SOBP: variants seen among roughly 807,000 people sequenced by gnomAD.
SOBP encodes sine oculis binding protein homolog.
A neutral mutation model predicts 53.6 loss-of-function variants in SOBP; 4 were observed. The observed-to-expected ratio is 0.07, with a 90% CI of 0.04 to 0.17. The LOEUF (loss-of-function observed/expected upper bound fraction) is 0.17, where lower values mean the gene tolerates loss of function less well. Among genes scored for constraint, SOBP ranks in the 10% least tolerant of loss-of-function variants. SOBP has a pLI of 1.00. For synonymous variants in SOBP, 584 were observed against 522.6 expected (o/e 1.12, Z -1.60); for missense variants, 1,088 against 1,204.7 (o/e 0.90, Z 1.43).
At chr6:107,631,841 G>A (rs547120249) in intron 5 of SOBP, among the ~76,000 whole-genome samples, 2 of 152,314 alleles carry the variant, frequency 1.3e-5, no homozygotes, top group South Asian at 4.2e-4. Context: ...AAACACGAAT[G>A]TGTGCCAACA....
chr6:107,622,049 A>T (rs773874483), intron 5 of SOBP, among the ~76,000 whole-genome samples: 1 of 152,200 alleles, frequency 6.6e-6, no homozygotes, highest in Non-Finnish European at 1.5e-5. Flanking sequence ...AGTATAGGTA[A>T]AACAGTTGGC....
Position 107,635,056 on chromosome 6 carries a change from G to C in SOBP, c.2212G>C (p.Ala738Pro). 6.6e-7 allele frequency: 1 copy of C among 1,521,350 alleles called. No individual in the cohort carries two copies. The highest frequency in any genetic ancestry group is 2.6e-5 in the East Asian group (1 of 39,148). The allele number at this position is 1,521,350 out of a possible 1,614,324, so 94.2% of individuals were successfully genotyped here. ...CGCCGCCGCCGAGGGCGCTAAGAGCGCGGAGCCGCCTCCCGAGCAGCCGCC... is the reference window on the plus strand; with the variant it reads ...CGCCGCCGCCGAGGGCGCTAAGAGCCCGGAGCCGCCTCCCGAGCAGCCGCC... ...RGAAAEGAKS[A>P]EPPPEQPPPP... The change falls in exon 6 of 7, where the codon GCG becomes CCG. Residue 738 changes from alanine (A) to proline (P), a missense_variant. Physicochemically the swap from Ala to Pro is conservative, Grantham distance 27 (BLOSUM62 -1). Around this residue, in one of 6 missense-constraint regions of SOBP, gnomAD observed 665 missense variants for 629.7 expected, o/e 1.06. Coordinates refer to ENST00000317357, the MANE Select transcript of SOBP (RefSeq NM_018013.4). This position sits in a 1 kb window ranked among gnomAD's most constrained non-coding sequence, Gnocchi z 4.5.
intron 6 of SOBP, chr6:107,636,135 C>T (rs1354508804): frequency 1.2e-5 from 2 of 162,152 alleles, no homozygotes; most frequent in African/African-American, 4.8e-5. Context: ...CAGCATCCCC[C>T]AGGGTAGGCC....
chr6:107,522,054 G>C (rs909520675), intron 3 of SOBP, among the ~76,000 whole-genome samples: 1 of 149,552 alleles, frequency 6.7e-6, no homozygotes, highest in African/African-American at 2.5e-5. Flanking sequence ...TGAGGTTTAA[G>C]ATAAGATACA....
intron 3 of SOBP, among the ~76,000 whole-genome samples, chr6:107,511,009 A>G (rs1783154051): frequency 6.6e-6 from 1 of 152,208 alleles, no homozygotes; most frequent in Non-Finnish European, 1.5e-5. Flanking sequence ...TTTAGAGTTT[A>G]TGAAATTTAT....
intron 2 of SOBP, among the ~76,000 whole-genome samples, chr6:107,505,404 C>A (rs1782957072): frequency 6.6e-6 from 1 of 151,908 alleles, no homozygotes; most frequent in Non-Finnish European, 1.5e-5. Flanking sequence ...TTCACTGCAA[C>A]CTCCGCCTCC....
In SOBP at chr6:107,591,983, T is replaced by C. The variant is rs1007378129; in HGVS notation, c.669+4808T>C. On this transcript the variant is annotated intron_variant, in intron 5 of 6. Transcript: ENST00000317357. ...GTCTTTTGGTGTTTTTTTTTTTTTT[T>C]TTTTTTTTTGTAAAATCTTTAGGAT... Among the ~76,000 whole-genome samples the C allele has an allele frequency of 3.8e-4, 55 of 145,172 alleles. No individual in the cohort carries two copies. In the East Asian group the frequency reaches 0.01, roughly 27 times the overall value.
intron 4 of SOBP, among the ~76,000 whole-genome samples, chr6:107,570,054 T>C (rs1213067986): frequency 6.6e-6 from 1 of 152,224 alleles, no homozygotes; most frequent in African/African-American, 2.4e-5. Flanking sequence ...TAGTTAGCAC[T>C]TATGCTAATG....
At chr6:107,566,059 G>A (rs748799411) in intron 4 of SOBP, among the ~76,000 whole-genome samples, 38 of 152,342 alleles carry the variant, frequency 2.5e-4, no homozygotes, top group South Asian at 6.2e-4. Flanking sequence ...GACACCCACC[G>A]AAGGGTGAAA....
At chr6:107,516,761 T>A (rs966961455) in intron 3 of SOBP, among the ~76,000 whole-genome samples, 1 of 152,106 alleles carries the variant, frequency 6.6e-6, no homozygotes, top group Non-Finnish European at 1.5e-5. Context: ...AAAAATATAA[T>A]TTAAAGTAGT....
At chr6:107,509,699 T>TA in intron 3 of SOBP, 1 of 152,306 alleles carries the variant, frequency 6.6e-6, no homozygotes, top group East Asian at 1.9e-4. Context: ...TATTTAACTC[T>TA]AATTCCACAT....
At chr6:107,595,980 C>G (rs1360513651) in intron 5 of SOBP, among the ~76,000 whole-genome samples, 1 of 152,188 alleles carries the variant, frequency 6.6e-6, no homozygotes, top group African/African-American at 2.4e-5. Context: ...TTTTTGCACA[C>G]TTCCTACACT....
At chr6:107,491,408 G>A (rs75047885) in intron 1 of SOBP, among the ~76,000 whole-genome samples, 7,823 of 152,362 alleles carry the variant, frequency 0.051, 299 homozygotes, top group Middle Eastern at 0.12. Flanking sequence ...GCCTTTGCAG[G>A]GCGCCTGTCC....
intron 4 of SOBP, among the ~76,000 whole-genome samples, chr6:107,550,962 A>T (rs892245951): frequency 6.6e-6 from 1 of 152,224 alleles, no homozygotes; most frequent in Non-Finnish European, 1.5e-5. Flanking sequence ...AAAGGAGGCA[A>T]AGAAGCAGAG....
At chr6:107,546,380 T>C (rs1784301171) in intron 4 of SOBP, among the ~76,000 whole-genome samples, 1 of 152,222 alleles carries the variant, frequency 6.6e-6, no homozygotes. Context: ...TTAAGTGCTG[T>C]AAATCAGAGG....
At chr6:107,595,373 T>TTTTTTTTTTTTTTTTTTTTTTTTTA (rs1785910997) in intron 5 of SOBP, among the ~76,000 whole-genome samples, 1 of 148,702 alleles carries the variant, frequency 6.7e-6, no homozygotes, top group African/African-American at 2.5e-5. Flanking sequence ...TTTTTTTTTT[T>TTTTTTTTTTTTTTTTTTTTTTTTTA]AGGATCACTA....
Position 107,566,173 on chromosome 6 carries a change from T to A in SOBP, c.574-20907T>A, listed in dbSNP as rs570752463. Among the ~76,000 whole-genome samples, 3 of 152,220 alleles carry A rather than the reference T, an allele frequency of 2.0e-5. No homozygotes were observed. In the East Asian group the frequency reaches 5.8e-4, roughly 29 times the overall value. ...GTCTAATCCGTACATTTAGTGGTGA[T>A]TTCAGGTGATGAAGGAAAATGGACA... On this transcript the variant is annotated intron_variant, in intron 4 of 6. Coordinates refer to ENST00000317357, the MANE Select transcript of SOBP (RefSeq NM_018013.4).
At chr6:107,553,318 A>G (rs1009896226) in intron 4 of SOBP, among the ~76,000 whole-genome samples, 2 of 143,030 alleles carry the variant, frequency 1.4e-5, no homozygotes, top group African/African-American at 5.7e-5. Flanking sequence ...TTATTTATTT[A>G]TTTATTTATT....
intron 3 of SOBP, among the ~76,000 whole-genome samples, chr6:107,507,239 T>A (rs985308962): frequency 6.6e-6 from 1 of 152,102 alleles, no homozygotes; most frequent in African/African-American, 2.4e-5. Flanking sequence ...ATTAAGCTTA[T>A]CCAACCCGTG....
Sources: gnomAD v4.1 joint callset for allele counts (sites outside exome capture counted in the v4.1 genomes callset) on GRCh38, gnomAD v4.1.1 for gene constraint, gnomAD v4.1.1 regional missense constraint, Gnocchi (gnomAD v3.1) non-coding constraint, MANE v1.5 for transcripts, NCBI Gene and HGNC (gene_info 2026-07-23, HGNC 2026-07-21) for gene names.